The following TRPM3 variants were observed in gnomAD, a reference collection of about 807,000 sequenced individuals.
The protein encoded by TRPM3 is transient receptor potential cation channel subfamily M member 3.
A neutral mutation model predicts 181.2 loss-of-function variants in TRPM3; 77 were observed. The ratio of observed to expected loss-of-function variants is 0.42; its 90% CI spans 0.35 to 0.51. The LOEUF is 0.51. Ranked by LOEUF, TRPM3 falls within the 20% of genes least tolerant of loss-of-function variation. The probability of loss-of-function intolerance (pLI) is 0.01; values close to 1 mark genes in which losing one functional copy is unlikely to be tolerated. For missense variants in TRPM3, 1,759 were observed against 2,196.7 expected (o/e 0.80, Z 3.98); for synonymous variants, 745 against 796.4 (o/e 0.94, Z 1.09).
intron 6 of TRPM3, among the ~76,000 whole-genome samples, chr9:70,803,943 A>G (rs1318110354): frequency 6.6e-6 from 1 of 152,150 alleles, no homozygotes; most frequent in African/African-American, 2.4e-5. Flanking sequence ...AGCTAGAGTG[A>G]GGAAGTCTTA....
chr9:70,783,218 G>A (rs114064405), intron 7 of TRPM3, among the ~76,000 whole-genome samples: 4,970 of 152,250 alleles, frequency 0.033, 83 homozygotes, highest in Middle Eastern at 0.054. Context: ...AACACTTAAT[G>A]TATATTTATA....
chr9:70,869,407 C>T (rs190238745), intron 1 of TRPM3, among the ~76,000 whole-genome samples: 1 of 118,420 alleles, frequency 8.4e-6, no homozygotes, highest in Non-Finnish European at 1.6e-5. Flanking sequence ...ATAAGGTGTT[C>T]TGAGTTCTGA....
rs924392006 is a variant in TRPM3, at chr9:70,960,432, T to G, written c.178-95921A>C. Among the ~76,000 whole-genome samples, 3 of 152,312 alleles carry G rather than the reference T, an allele frequency of 2.0e-5. No homozygotes were observed. In the East Asian group the frequency reaches 5.8e-4, roughly 29 times the overall value. ...ATTTAATTGCTCATCACAGACTACC[T>G]TTTTTCATCTTCTTATGATTGGAAA... On this transcript the variant is annotated intron_variant, in intron 1 of 25. Transcript: ENST00000677713.
intron 1 of TRPM3, among the ~76,000 whole-genome samples, chr9:71,438,439 G>A (rs1315666281): frequency 1.3e-5 from 2 of 152,148 alleles, no homozygotes; most frequent in Non-Finnish European, 2.9e-5. Context: ...AAAGGCTGAG[G>A]TGGAAGGATC....
chr9:70,603,359 T>C lies in TRPM3; in HGVS notation c.2779A>G (p.Ile927Val), dbSNP rs368871918. ...IVISYIFTLG[I>V]EKMREILMSE... ...GCCGTTACCTCTCTCATCTTTTCTA[T>C]TCCCAGGGTGAAAATATAGGAGATT... The change falls in exon 20 of 26, where the codon ATA (isoleucine) becomes GTA (valine). Residue 927 changes from isoleucine (I) to valine (V), a missense_variant. By Grantham distance (29) the Ile-to-Val change is conservative. This residue lies in a region of TRPM3 where 100 missense variants were observed against 123.0 expected (regional missense o/e 0.81). Transcript: ENST00000677713. 1.2e-6 allele frequency: 2 copies of C among 1,613,576 alleles called. No homozygotes were observed. The highest frequency in any genetic ancestry group is 2.2e-5 in the South Asian group (2 of 90,928).
rs555226199 is a variant in TRPM3, at chr9:71,171,037, C to G, written c.183+275616G>C. Among the ~76,000 whole-genome samples the G allele has an allele frequency of 6.6e-5, 10 of 152,256 alleles. No individual in the cohort carries two copies. The East Asian group carries it at 1.4e-3, about 21-fold the overall frequency. ...GGTATAGGCTTATAAACAGCCCCCC[C>G]CAGGTGCTCCTGTCTCTTATGGTCG... On this transcript the variant is annotated intron_variant, in intron 1 of 24. Transcript: ENST00000357533.
intron 1 of TRPM3, among the ~76,000 whole-genome samples, chr9:71,184,514 T>C (rs1189185309): frequency 6.6e-6 from 1 of 152,154 alleles, no homozygotes; most frequent in Non-Finnish European, 1.5e-5. Flanking sequence ...CCTGGGCTTC[T>C]CTCAGTATCT....
At chr9:70,820,156 GT>G (rs1198081639) in intron 6 of TRPM3, among the ~76,000 whole-genome samples, 1 of 152,062 alleles carries the variant, frequency 6.6e-6, no homozygotes, top group African/African-American at 2.4e-5. Flanking sequence ...ATTATTCTCT[GT>G]TTACTGAGGC....
chr9:71,256,097 C>A (rs1481871411), intron 1 of TRPM3, among the ~76,000 whole-genome samples: 1 of 152,096 alleles, frequency 6.6e-6, no homozygotes, highest in Non-Finnish European at 1.5e-5. Context: ...AGGATGGTGA[C>A]CATGAATGCA....
intron 5 of TRPM3, among the ~76,000 whole-genome samples, chr9:70,839,039 C>T (rs2094487515): frequency 6.6e-6 from 1 of 152,136 alleles, no homozygotes; most frequent in Admixed American, 6.6e-5. Context: ...CCTTGAGTTG[C>T]TATCTAAGAA....
chr9:71,164,775 C>T (rs1360418894), intron 1 of TRPM3, among the ~76,000 whole-genome samples: 3 of 152,034 alleles, frequency 2.0e-5, no homozygotes, highest in African/African-American at 7.2e-5. Flanking sequence ...AAAACCTTAC[C>T]TTTGTAAGCA....
At chr9:70,875,146 G>A (rs535750152) in intron 1 of TRPM3, among the ~76,000 whole-genome samples, 6 of 151,896 alleles carry the variant, frequency 4.0e-5, no homozygotes, top group Admixed American at 6.6e-5. Flanking sequence ...ACGCATGACC[G>A]ATTAGGAGTC....
chr9:71,260,939 T>A (rs974352639), intron 1 of TRPM3, among the ~76,000 whole-genome samples: 3 of 152,214 alleles, frequency 2.0e-5, no homozygotes, highest in Non-Finnish European at 4.4e-5. Flanking sequence ...CTTAACATTT[T>A]TTCCTTCATT....
At chr9:71,370,821 G>A (rs1274149971) in intron 1 of TRPM3, among the ~76,000 whole-genome samples, 2 of 152,218 alleles carry the variant, frequency 1.3e-5, no homozygotes, top group African/African-American at 4.8e-5. Context: ...AGCTAGAGCA[G>A]AGAAGTCAAT....
At chr9:70,638,966 G>A (rs2057647058) in intron 11 of TRPM3, 94 bp downstream of exon 11, 2 of 1,403,094 alleles carry the variant, frequency 1.4e-6, no homozygotes, top group Admixed American at 1.9e-5. Context: ...ATTTGGACGG[G>A]AGAAGGGAAG....
At chr9:70,992,824 A>G (rs1311529888) in intron 1 of TRPM3, among the ~76,000 whole-genome samples, 1 of 152,214 alleles carries the variant, frequency 6.6e-6, no homozygotes, top group African/African-American at 2.4e-5. Flanking sequence ...ATTTTAAAAA[A>G]TCTTGGATAT....
chr9:71,429,180 G>A (rs967644036), intron 1 of TRPM3, among the ~76,000 whole-genome samples: 2 of 152,154 alleles, frequency 1.3e-5, no homozygotes, highest in African/African-American at 2.4e-5. Context: ...AGGGATAAGA[G>A]TAAATGTTTT....
intron 1 of TRPM3, among the ~76,000 whole-genome samples, chr9:71,179,843 A>G (rs1310261121): frequency 6.6e-6 from 1 of 152,122 alleles, no homozygotes; most frequent in Non-Finnish European, 1.5e-5. Context: ...TTTCCTAATG[A>G]AATCTGCCTC....
chr9:70,925,595 C>T (rs2096713083), intron 1 of TRPM3, among the ~76,000 whole-genome samples: 1 of 151,792 alleles, frequency 6.6e-6, no homozygotes, highest in South Asian at 2.1e-4. Flanking sequence ...TATATATCTC[C>T]TCCTGTCTAT....
Sources: gnomAD v4.1 joint callset for allele counts (sites outside exome capture counted in the v4.1 genomes callset) on GRCh38, gnomAD v4.1.1 for gene constraint, gnomAD v4.1.1 regional missense constraint, MANE v1.5 for transcripts, NCBI Gene and HGNC (gene_info 2026-07-23, HGNC 2026-07-21) for gene names.